The following PLEKHH2 variants were observed in gnomAD, a reference collection of about 807,000 sequenced individuals.
The protein encoded by PLEKHH2 is pleckstrin homology, MyTH4 and FERM domain containing H2.
PLEKHH2 carries 129 observed loss-of-function variants against 187.9 expected under a neutral mutation model. The ratio of observed to expected loss-of-function variants is 0.69; its 90% CI spans 0.59 to 0.79. The LOEUF is 0.79. Ranked by LOEUF, PLEKHH2 falls within the 30% of genes least tolerant of loss-of-function variation. The pLI, the probability that PLEKHH2 is intolerant of heterozygous loss-of-function variation, is 0.00. For synonymous variants in PLEKHH2, 686 were observed against 605.6 expected (o/e 1.13, Z -1.95); for missense variants, 2,076 against 1,751.2 (o/e 1.19, Z -3.31).
Position 43,710,546 on chromosome 2 carries a change from T to C in PLEKHH2, c.2272T>C (p.Leu758=). ...HIELSASCSI[L]RGDNKQTVQL... ...TGAACTTAGTGCATCCTGTAGTATT[T>C]TAAGAGGAGATAACAAACAAACAGT... The change falls in exon 14 of 30, where the codon TTA becomes CTA. Residue 758 remains leucine (L), a synonymous_variant. Coordinates refer to ENST00000282406, the MANE Select transcript of PLEKHH2 (RefSeq NM_172069.4). The C allele has an allele frequency of 6.3e-7, 1 of 1,597,612 alleles. No homozygotes were observed. The highest frequency in any genetic ancestry group is 8.5e-7 in the Non-Finnish European group (1 of 1,176,164).
At chr2:43,679,524 C>G (rs958398507) in intron 3 of PLEKHH2, 14 of 279,046 alleles carry the variant, frequency 5.0e-5, no homozygotes, top group South Asian at 1.0e-4. Flanking sequence ...GAGACGGAAT[C>G]TTGCTCTGTG....
At chr2:43,651,957 T>A (rs1031341857) in intron 2 of PLEKHH2, among the ~76,000 whole-genome samples, 1 of 152,240 alleles carries the variant, frequency 6.6e-6, no homozygotes, top group Non-Finnish European at 1.5e-5. Flanking sequence ...AAATGTCTGA[T>A]GATTTTTAGT....
At chr2:43,730,968 A>G (rs1269228953) in intron 18 of PLEKHH2, among the ~76,000 whole-genome samples, 4 of 152,158 alleles carry the variant, frequency 2.6e-5, no homozygotes, top group Admixed American at 6.6e-5. Flanking sequence ...TAGCACATTT[A>G]AGCAACGTGA....
rs371979792 is a variant in PLEKHH2 at position 43,745,056 on chromosome 2, G to A, written c.3556-810G>A. Among the ~76,000 whole-genome samples the A allele has an allele frequency of 7.2e-4, 110 of 152,228 alleles. No homozygotes were observed. The East Asian group carries it at 0.016, about 22-fold the overall frequency. On this transcript the variant is annotated intron_variant, in intron 23 of 29. Coordinates refer to ENST00000282406, the MANE Select transcript of PLEKHH2 (RefSeq NM_172069.4). The stretch of plus-strand genomic sequence containing the variant: ...AGGCCGGGTGTGGTGGCTCACGCCT[G>A]TAATCCCAGCACTTTGGGAGGCCAA...
chr2:43,667,964 T>A (rs1292826613), intron 2 of PLEKHH2, among the ~76,000 whole-genome samples: 1 of 152,244 alleles, frequency 6.6e-6, no homozygotes, highest in South Asian at 2.1e-4. Context: ...CTCAATTTTT[T>A]AAAAAGTTTG....
At chr2:43,729,981 C>T (rs1338626243) in intron 18 of PLEKHH2, among the ~76,000 whole-genome samples, 3 of 152,068 alleles carry the variant, frequency 2.0e-5, no homozygotes, top group South Asian at 2.1e-4. Context: ...TTCCACTGCT[C>T]CTCTGCTTGG....
intron 2 of PLEKHH2, among the ~76,000 whole-genome samples, chr2:43,666,008 C>G (rs1208016959): frequency 1.4e-5 from 2 of 145,392 alleles, no homozygotes; most frequent in African/African-American, 5.3e-5. Context: ...CCACCCAGTT[C>G]GAGCTTCCCG....
intron 1 of PLEKHH2, among the ~76,000 whole-genome samples, chr2:43,641,057 T>A (rs1665890411): frequency 6.7e-6 from 1 of 149,618 alleles, no homozygotes; most frequent in Non-Finnish European, 1.5e-5. Flanking sequence ...CCTCCCAGAG[T>A]GCTGGGATTA....
chr2:43,690,103 C>T (rs996681865), intron 3 of PLEKHH2, among the ~76,000 whole-genome samples: 2 of 152,188 alleles, frequency 1.3e-5, no homozygotes, highest in African/African-American at 4.8e-5. Flanking sequence ...GCTCCTCGTT[C>T]CCTGCTTCCT....
intron 2 of PLEKHH2, among the ~76,000 whole-genome samples, chr2:43,667,775 G>C (rs2104392786): frequency 6.6e-6 from 1 of 152,236 alleles, no homozygotes; most frequent in African/African-American, 2.4e-5. Context: ...GGTTGCAAAG[G>C]GCGATTGGGA....
intron 3 of PLEKHH2, among the ~76,000 whole-genome samples, chr2:43,685,274 T>C (rs755284129): frequency 7.3e-4 from 111 of 152,246 alleles, no homozygotes; most frequent in Non-Finnish European, 9.4e-4. Flanking sequence ...CTCTATAGTT[T>C]AGCTTTGTAC....
At chr2:43,757,414 T>C (rs995851838) in intron 26 of PLEKHH2, 150 bp downstream of exon 26, 5 of 591,026 alleles carry the variant, frequency 8.5e-6, no homozygotes, top group African/African-American at 2.0e-5. Flanking sequence ...TATAGATTTT[T>C]TTTCTTTCTT....
chr2:43,637,880 G>C lies in PLEKHH2; in HGVS notation c.-4+501G>C, dbSNP rs551266887. ...CACCTCGAGTTGCTGGCACGTCAAA[G>C]CACCCTAAGGTGACCTACCCGGAAA... On this transcript the variant is annotated intron_variant, in intron 1 of 29. Coordinates refer to ENST00000282406, the MANE Select transcript of PLEKHH2 (RefSeq NM_172069.4). Among the ~76,000 whole-genome samples, 17 of 152,346 alleles carry C rather than the reference G, an allele frequency of 1.1e-4. No homozygotes were observed. In the East Asian group the frequency reaches 3.1e-3, roughly 28 times the overall value.
intron 3 of PLEKHH2, among the ~76,000 whole-genome samples, chr2:43,689,707 G>A (rs956579289): frequency 2.6e-5 from 4 of 152,098 alleles, no homozygotes; most frequent in Non-Finnish European, 1.5e-5. Flanking sequence ...TGCCCCTTTT[G>A]CCAATATTTT....
chr2:43,754,037 G>A (rs1415786330), intron 25 of PLEKHH2, among the ~76,000 whole-genome samples: 1 of 152,056 alleles, frequency 6.6e-6, no homozygotes. Flanking sequence ...GAATTGGAGT[G>A]TAGAGCTGTG....
Position 43,740,989 on chromosome 2 carries a change from A to G in PLEKHH2, c.3167A>G (p.His1056Arg), listed in dbSNP as rs747406080. The G allele has an allele frequency of 1.9e-6, 3 of 1,613,914 alleles. No individual in the cohort carries two copies. The highest frequency in any genetic ancestry group is 1.1e-5 in the South Asian group (1 of 91,064). Residue 1056 changes from histidine to arginine, a missense_variant, in exon 21 of 30, where the codon CAT (histidine) becomes CGT (arginine). Transcript: ENST00000282406. ...LALCVGLFLP[H>R]HPFLWLLRLH... Reference sequence around the variant, plus strand: ...CTCTGCGTTGGGCTCTTCCTTCCCCATCATCCTTTCCTGTGGCTCCTCAGG... The same window carrying G: ...CTCTGCGTTGGGCTCTTCCTTCCCCGTCATCCTTTCCTGTGGCTCCTCAGG...
intron 3 of PLEKHH2, 57 bp from the exon 4 acceptor site, chr2:43,692,457 A>C (rs1668846057): frequency 2.9e-6 from 4 of 1,394,820 alleles, no homozygotes; most frequent in Middle Eastern, 5.0e-4. Context: ...TTCTAGGTTT[A>C]ATACTGTGAT....
chr2:43,712,336 T>A lies in PLEKHH2; in HGVS notation c.2413T>A (p.Ser805Thr), dbSNP rs1024749844. The change falls in exon 15 of 30, where the codon TCC becomes ACC. Residue 805 changes from serine to threonine, a missense_variant. Ser to Thr is a moderately conservative substitution (Grantham distance 58). Coordinates refer to ENST00000282406, the MANE Select transcript of PLEKHH2 (RefSeq NM_172069.4). ...VLRVQAANPL[S>T]LQPEGKPTMK... ...TCGAGTACAAGCTGCCAACCCACTT[T>A]CCCTGCAGCCTGAGGGCAAACCCAC... 1.2e-6 allele frequency: 2 copies of A among 1,614,026 alleles called. No individual in the cohort carries two copies. Among genetic ancestry groups the A allele is most frequent in the African/African-American group, 2.7e-5 (2 of 74,934 alleles).
intron 19 of PLEKHH2, among the ~76,000 whole-genome samples, chr2:43,732,302 G>T (rs1671081651): frequency 6.6e-6 from 1 of 152,090 alleles, no homozygotes; most frequent in African/African-American, 2.4e-5. Flanking sequence ...GATGGAGGTT[G>T]CAGTGAGCTG....
Sources: allele counts gnomAD v4.1 joint callset (sites outside exome capture counted in the v4.1 genomes callset), GRCh38; gene constraint gnomAD v4.1.1; transcripts MANE v1.5; gene names NCBI Gene and HGNC (gene_info 2026-07-23, HGNC 2026-07-21).